Variants in FPGT observed in about 807,000 individuals in gnomAD.
FPGT encodes the protein GDP-L-fucose diphosphorylase.
A neutral mutation model predicts 45.8 loss-of-function variants in FPGT; 41 were observed. The ratio of observed to expected loss-of-function variants is 0.90; its 90% CI spans 0.70 to 1.16. The LOEUF is 1.16. Among genes scored for constraint, FPGT ranks in the 50% most tolerant of loss-of-function variants. The pLI is 0.00. For synonymous variants in FPGT, 292 were observed against 247.2 expected, an observed-to-expected ratio of 1.18 and a Z score of -1.70; for missense variants, 755 against 689.1, an observed-to-expected ratio of 1.10 and a Z score of -1.07.
chr1:74,201,342 C>T lies in FPGT; in HGVS notation c.275C>T (p.Ala92Val). 6.2e-7 allele frequency: 1 copy of T among 1,611,212 alleles called. No homozygotes were observed. Among genetic ancestry groups the T allele is most frequent in the Non-Finnish European group, 8.5e-7 (1 of 1,179,028 alleles). Residue 92 changes from alanine (A) to valine (V), a missense_variant, in exon 3 of 4, where the codon GCC becomes GTC. Physicochemically the swap from Ala to Val is moderately conservative, Grantham distance 64. Transcript: ENST00000370898. Reference sequence around the variant, plus strand: ...GGAAATGGAGGATCAACACTTTGTGCCCTTCAATGTTTGGAAAAGCTATAT... The same window carrying T: ...GGAAATGGAGGATCAACACTTTGTGTCCTTCAATGTTTGGAAAAGCTATAT... ...KIGNGGSTLC[A>V]LQCLEKLYGD...
chr1:74,199,801 G>C lies in FPGT; in HGVS notation c.220G>C (p.Val74Leu), dbSNP rs1651608599. ...KELPLGVQYH[V>L]FVDPAGAKIG... Reference sequence around the variant, plus strand: ...GTTACCCCTTGGAGTTCAATATCACGTTTTTGTGGATCCTGCTGGAGCCAA... The same window carrying C: ...GTTACCCCTTGGAGTTCAATATCACCTTTTTGTGGATCCTGCTGGAGCCAA... The change falls in exon 2 of 4, where the codon GTT becomes CTT. Residue 74 changes from valine to leucine, a missense_variant. Physicochemically the swap from Val to Leu is conservative, Grantham distance 32. Coordinates refer to ENST00000370898, the MANE Select transcript of FPGT (RefSeq NM_003838.5). 6.2e-7 allele frequency: 1 copy of C among 1,613,896 alleles called. No homozygotes were observed. The highest frequency in any genetic ancestry group is 1.3e-5 in the African/African-American group (1 of 74,900).
Position 74,208,347 on chromosome 1 carries a change from T to C in FPGT, c.*2515T>C, listed in dbSNP as rs1652447617. On this transcript the variant is annotated 3_prime_UTR_variant, in exon 4 of 4. Coordinates refer to ENST00000370898, the MANE Select transcript of FPGT (RefSeq NM_003838.5). ...TGACTAAATTTTGTGACAATCTTAA[T>C]TTTTTAGGCTTTTCATTTAGTCTTC... is the stretch of plus-strand genomic sequence containing the variant. 6.6e-6 allele frequency among the ~76,000 whole-genome samples: 1 copy of C among 152,058 alleles called. No homozygotes were observed. Among genetic ancestry groups the C allele is most frequent in the African/African-American group, 2.4e-5 (1 of 41,418 alleles).
Position 74,205,559 on chromosome 1 carries a change from G to T in FPGT, c.1512G>T (p.Trp504Cys). ...GTTTCCTGTCATGCTTAGATGTTTG[G>T]AATCTTAAAGTTACAGAGGAACTGT... ...GVCFLSCLDV[W>C]NLKVTEELFS... The change falls in exon 4 of 4, where the codon TGG becomes TGT. Residue 504 changes from tryptophan to cysteine, a missense_variant. Trp to Cys is a radical substitution (Grantham distance 215). Coordinates refer to ENST00000370898, the MANE Select transcript of FPGT (RefSeq NM_003838.5). 6.2e-7 allele frequency: 1 copy of T among 1,613,684 alleles called. No individual in the cohort carries two copies. The highest frequency in any genetic ancestry group is 8.5e-7 in the Non-Finnish European group (1 of 1,179,644).
At chr1:74,203,540 C>T (rs886664491) in intron 3 of FPGT, among the ~76,000 whole-genome samples, 5 of 151,716 alleles carry the variant, frequency 3.3e-5, no homozygotes, top group South Asian at 2.1e-4. Context: ...CACAGGCGCC[C>T]GCCACCACGC....
rs200809071 is a variant in FPGT, at chr1:74,205,591, G to T, written c.1544G>T (p.Gly515Val). 7.0e-5 allele frequency: 113 copies of T among 1,613,584 alleles called. No homozygotes were observed. In the Middle Eastern group the frequency reaches 1.2e-3, roughly 16 times the overall value. The change falls in exon 4 of 4, where the codon GGT becomes GTT. Residue 515 changes from glycine to valine, a missense_variant. Coordinates refer to ENST00000370898, the MANE Select transcript of FPGT (RefSeq NM_003838.5). ...NLKVTEELFS[G>V]NKTCLSLWTA... The stretch of plus-strand genomic sequence containing the variant: ...AAAGTTACAGAGGAACTGTTCTCTG[G>T]TAACAAGACATGTCTGAGTTTGTGG...
chr1:74,202,852 TGAA>T (rs905588509), intron 3 of FPGT, among the ~76,000 whole-genome samples: 1 of 152,166 alleles, frequency 6.6e-6, no homozygotes, highest in Non-Finnish European at 1.5e-5. Context: ...TGGTTAGAAA[TGAA>T]GACACAAACA....
chr1:74,199,717 G>A lies in FPGT; in HGVS notation c.136G>A (p.Asp46Asn). 6 of 1,614,050 alleles carry A rather than the reference G, an allele frequency of 3.7e-6. No individual in the cohort carries two copies. Among genetic ancestry groups the A allele is most frequent in the Non-Finnish European group, 5.1e-6 (6 of 1,179,964 alleles). The change falls in exon 2 of 4, where the codon GAT becomes AAT. Residue 46 changes from aspartate (D) to asparagine (N), a missense_variant. Asp to Asn is a conservative substitution (Grantham distance 23, BLOSUM62 1). Transcript: ENST00000370898. ...FWDIVAITAA[D>N]EKQELAYNQQ... ...GGACATAGTTGCAATAACAGCGGCT[G>A]ATGAAAAACAGGAACTTGCTTACAA...
chr1:74,199,901 T>C, intron 2 of FPGT, 70 bp downstream of exon 2: 4 of 1,527,332 alleles, frequency 2.6e-6, no homozygotes, highest in Non-Finnish European at 3.5e-6. Context: ...AAGGTTTCTG[T>C]GACTTACAGT....
At position 74,205,883 on chromosome 1, in the gene FPGT, T is replaced by G; in HGVS notation, c.*51T>G. The G allele has an allele frequency of 1.9e-6, 2 of 1,057,758 alleles. No homozygotes were observed. The highest frequency in any genetic ancestry group is 2.8e-6 in the Non-Finnish European group (2 of 721,894). The allele number at this position is 1,057,758 out of a possible 1,614,324, so 65.5% of individuals were successfully genotyped here. A position where few individuals can be genotyped will look rare whatever the true frequency, so the allele number is the denominator to read the frequency against. The stretch of plus-strand genomic sequence containing the variant: ...GCCTTTTTGAGTAACATTCCAGAGA[T>G]AGGTATTTTTTGTAGGCTGTTTCAC... On this transcript the variant is annotated 3_prime_UTR_variant, in exon 4 of 4. Transcript: ENST00000370898.
rs1164163912 is a variant in FPGT at position 74,206,242 on chromosome 1, C to G, written c.*410C>G. On this transcript the variant is annotated 3_prime_UTR_variant, in exon 4 of 4. Transcript: ENST00000370898. Reference sequence around the variant, plus strand: ...TATTTTTAATAATAAAAATGGCATACTGTAGGGTCTTCAGAGTAGTGTAGG... The same window carrying G: ...TATTTTTAATAATAAAAATGGCATAGTGTAGGGTCTTCAGAGTAGTGTAGG... 6.3e-6 allele frequency: 1 copy of G among 157,898 alleles called. No individual in the cohort carries two copies. Among genetic ancestry groups the G allele is most frequent in the Non-Finnish European group, 1.4e-5 (1 of 72,210 alleles). The allele number at this position is 157,898 out of a possible 1,614,324, so 9.8% of individuals were successfully genotyped here. A position where few individuals can be genotyped will look rare whatever the true frequency, so the allele number is the denominator to read the frequency against.
intron 3 of FPGT, among the ~76,000 whole-genome samples, 197 bp downstream of exon 3, chr1:74,201,607 T>G (rs973845577): frequency 6.6e-6 from 1 of 152,230 alleles, no homozygotes; most frequent in Non-Finnish European, 1.5e-5. Context: ...TTCACAAATT[T>G]TACTCGTAAA....
intron 2 of FPGT, among the ~76,000 whole-genome samples, 169 bp from the exon 3 acceptor site, chr1:74,201,149 A>G (rs17591703): frequency 0.3 from 46,114 of 151,998 alleles, 7,975 homozygotes; most frequent in Middle Eastern, 0.43. Context: ...GTTGTTTGCT[A>G]TGAGATGTTT....
At chr1:74,202,544 G>C (rs926800241) in intron 3 of FPGT, among the ~76,000 whole-genome samples, 2 of 151,658 alleles carry the variant, frequency 1.3e-5, no homozygotes, top group Non-Finnish European at 2.9e-5. Flanking sequence ...ATAATTCTTA[G>C]TGCTAAACTT....
chr1:74,199,602 AC>A, intron 1 of FPGT, 61 bp from the exon 2 acceptor site: 1 of 1,558,340 alleles, frequency 6.4e-7, no homozygotes, highest in Non-Finnish European at 8.7e-7. Context: ...CAATAGGCAA[AC>A]CTGTGGCAAC....
rs199776247 is a variant in FPGT at position 74,204,472 on chromosome 1, A to C, written c.425A>C (p.Gln142Pro). ...TALPLGNPIYQMLELKLAMYI... is the reference protein window; with the variant it reads ...TALPLGNPIYPMLELKLAMYI... Reference sequence around the variant, plus strand: ...TTACCTCTTGGTAACCCCATTTATCAGATGCTAGAATTAAAACTAGCCATG... The same window carrying C: ...TTACCTCTTGGTAACCCCATTTATCCGATGCTAGAATTAAAACTAGCCATG... The change falls in exon 4 of 4, where the codon CAG (glutamine) becomes CCG (proline). Residue 142 changes from glutamine to proline, a missense_variant. Transcript: ENST00000370898. 6.2e-7 allele frequency: 1 copy of C among 1,610,038 alleles called. No individual in the cohort carries two copies. Among genetic ancestry groups the C allele is most frequent in the African/African-American group, 1.3e-5 (1 of 74,990 alleles).
rs1472321412 is a variant in FPGT at position 74,198,336 on chromosome 1, T to C, written c.58T>C (p.Leu20=). 6.2e-7 allele frequency: 1 copy of C among 1,613,958 alleles called. No individual in the cohort carries two copies. The highest frequency in any genetic ancestry group is 8.5e-7 in the Non-Finnish European group (1 of 1,179,980). The change falls in exon 1 of 4, where the codon TTG becomes CTG. Residue 20 remains leucine (L), a synonymous_variant. Coordinates refer to ENST00000370898, the MANE Select transcript of FPGT (RefSeq NM_003838.5). ...GCTGCGAGAAGCCACCCAGCGAAAA[T>C]TGCGGAGGTTTTCCGAGCTAAGAGG... ...VSLREATQRK[L]RRFSELRGKL...
Position 74,199,630 on chromosome 1 carries a change from T to G in FPGT, c.83-34T>G, listed in dbSNP as rs200074343. ...TGTGGCAACTAGAAAATTCTGATAA[T>G]TTTTGTTTTCATTTCCTTGCTTTTT... On this transcript the variant is annotated intron_variant, in intron 1 of 3. Transcript: ENST00000370898. The G allele has an allele frequency of 1.5e-4, 238 of 1,597,052 alleles. No individual in the cohort carries two copies. The African/African-American group carries it at 3.1e-3, about 21-fold the overall frequency.
chr1:74,208,104 G>A lies in FPGT; in HGVS notation c.*2272G>A, dbSNP rs1271093639. ...ACAACTCCATGACTATTGCTGCCTG[G>A]CTAATAGCTATTATACTATCATTTG... On this transcript the variant is annotated 3_prime_UTR_variant, in exon 4 of 4. Transcript: ENST00000370898. Among the ~76,000 whole-genome samples the A allele has an allele frequency of 2.6e-5, 4 of 151,830 alleles. No individual in the cohort carries two copies. Among genetic ancestry groups the A allele is most frequent in the Non-Finnish European group, 4.4e-5 (3 of 67,942 alleles).
intron 1 of FPGT, among the ~76,000 whole-genome samples, chr1:74,199,365 G>A (rs1031969072): frequency 6.6e-6 from 1 of 152,030 alleles, no homozygotes; most frequent in South Asian, 2.1e-4. Flanking sequence ...GTTAAAAGTC[G>A]CTCTCTTAAT....
Sources: gnomAD v4.1 joint callset for allele counts (sites outside exome capture counted in the v4.1 genomes callset) on GRCh38, gnomAD v4.1.1 for gene constraint, MANE v1.5 for transcripts, NCBI Gene and HGNC (gene_info 2026-07-23, HGNC 2026-07-21) for gene names.